KLF12: variants seen among roughly 807,000 people sequenced by gnomAD.
The protein encoded by KLF12 is Krueppel-like factor 12.
KLF12 carries 9 observed loss-of-function variants against 37.8 expected under a neutral mutation model. The ratio of observed to expected loss-of-function variants is 0.24; its 90% CI spans 0.14 to 0.42. The LOEUF is 0.42. KLF12 is among the 10% of genes least tolerant of loss of function. The probability of loss-of-function intolerance (pLI) is 1.00; values close to 1 mark genes in which losing one functional copy is unlikely to be tolerated. For missense variants in KLF12, 411 were observed against 516.0 expected (o/e 0.80, Z 1.97); for synonymous variants, 208 against 202.1 (o/e 1.03, Z -0.25).
the KLF12 span, among the ~76,000 whole-genome samples, chr13:74,179,158 G>A: frequency 7.6e-4 from 116 of 152,304 alleles, 2 homozygotes; most frequent in African/African-American, 2.6e-3. Flanking sequence ...TCCTGCCAAA[G>A]GGTTTGGACT....
chr13:73,786,257 T>C (rs1881336577), intron 5 of KLF12, among the ~76,000 whole-genome samples: 2 of 152,162 alleles, frequency 1.3e-5, no homozygotes, highest in Non-Finnish European at 2.9e-5. Context: ...CTCCCTTTCA[T>C]CATAAATTGT....
the KLF12 span, among the ~76,000 whole-genome samples, chr13:74,286,938 A>G: frequency 6.6e-6 from 1 of 152,338 alleles, no homozygotes; most frequent in South Asian, 2.1e-4. Flanking sequence ...ATTTAAACCA[A>G]GCTGTAGCTA....
chr13:74,199,243 C>T, the KLF12 span, among the ~76,000 whole-genome samples: 3 of 152,166 alleles, frequency 2.0e-5, no homozygotes, highest in Non-Finnish European at 4.4e-5. Flanking sequence ...CCGAAACCAT[C>T]TTGGGAATGC....
At chr13:73,966,111 C>T (rs1216159502) in intron 2 of KLF12, among the ~76,000 whole-genome samples, 3 of 152,172 alleles carry the variant, frequency 2.0e-5, no homozygotes, top group African/African-American at 7.2e-5. Flanking sequence ...AAGCTAACTG[C>T]CCCCAAATTG....
intron 3 of KLF12, among the ~76,000 whole-genome samples, chr13:73,876,240 T>C (rs1594201213): frequency 6.6e-6 from 1 of 152,194 alleles, no homozygotes; most frequent in Non-Finnish European, 1.5e-5. Context: ...CCACAGATTA[T>C]TGGCTGAATT....
chr13:73,924,025 T>C (rs1889250080), intron 3 of KLF12, among the ~76,000 whole-genome samples: 1 of 152,240 alleles, frequency 6.6e-6, no homozygotes, highest in African/African-American at 2.4e-5. Flanking sequence ...ATGATCACAA[T>C]ACTTTTATTC....
chr13:73,736,838 G>C (rs1877499064), intron 6 of KLF12, among the ~76,000 whole-genome samples: 1 of 152,130 alleles, frequency 6.6e-6, no homozygotes, highest in Non-Finnish European at 1.5e-5. Flanking sequence ...CACTCTGAAA[G>C]AGAATGACCA....
chr13:74,248,984 G>T, the KLF12 span, among the ~76,000 whole-genome samples: 2 of 152,228 alleles, frequency 1.3e-5, no homozygotes, highest in Non-Finnish European at 2.9e-5. Flanking sequence ...ATTGATAGAG[G>T]TGTGGTTCTA....
chr13:73,952,724 C>A (rs894256755), intron 2 of KLF12, among the ~76,000 whole-genome samples: 1 of 152,184 alleles, frequency 6.6e-6, no homozygotes, highest in Admixed American at 6.5e-5. Flanking sequence ...AGTGTATGGG[C>A]ATCACATAAC....
At chr13:74,288,000 C>T in the KLF12 span, among the ~76,000 whole-genome samples, 4 of 145,568 alleles carry the variant, frequency 2.7e-5, no homozygotes, top group African/African-American at 9.9e-5. Flanking sequence ...CACTGTTACT[C>T]GCTGAGGAAG....
the KLF12 span, among the ~76,000 whole-genome samples, chr13:74,170,119 A>G: frequency 2.6e-5 from 4 of 152,196 alleles, no homozygotes; most frequent in Admixed American, 6.6e-5. Flanking sequence ...GATATTTATG[A>G]TGATGAACTC....
chr13:73,872,744 C>T (rs536933499), intron 3 of KLF12, among the ~76,000 whole-genome samples: 1 of 152,300 alleles, frequency 6.6e-6, no homozygotes, highest in South Asian at 2.1e-4. Flanking sequence ...TTTAATACCT[C>T]ACTTAGCTAA....
At position 74,129,998 on chromosome 13, in the gene KLF12, T is replaced by A. The variant is rs557462331; in HGVS notation, c.-32+3741A>T. 1.3e-3 allele frequency among the ~76,000 whole-genome samples: 196 copies of A among 152,296 alleles called. 1 individual carries two copies. Among genetic ancestry groups the A allele is most frequent in the African/African-American group, 3.9e-3 (161 of 41,562 alleles). Reference sequence around the variant, plus strand: ...TTCTGGCGGGTGGAAGTCAGGCAGCTCTCTGGGCTGGGCTTGGGATCCAGA... The same window carrying A: ...TTCTGGCGGGTGGAAGTCAGGCAGCACTCTGGGCTGGGCTTGGGATCCAGA... On this transcript the variant is annotated intron_variant, in intron 1 of 7. Transcript: ENST00000377669.
intron 1 of KLF12, among the ~76,000 whole-genome samples, chr13:74,002,229 T>C (rs898377663): frequency 1.3e-5 from 2 of 152,196 alleles, no homozygotes; most frequent in African/African-American, 4.8e-5. Flanking sequence ...TAATACATAA[T>C]CAACTAGTAT....
chr13:73,798,315 C>A (rs1436516524), intron 5 of KLF12, among the ~76,000 whole-genome samples: 1 of 152,082 alleles, frequency 6.6e-6, no homozygotes, highest in Non-Finnish European at 1.5e-5. Flanking sequence ...ACTATAAAAA[C>A]CTTGAAAGAC....
intron 1 of KLF12, among the ~76,000 whole-genome samples, chr13:74,092,496 T>C (rs901118070): frequency 2.6e-5 from 4 of 150,948 alleles, no homozygotes; most frequent in African/African-American, 9.7e-5. Flanking sequence ...TGGTGGCACT[T>C]GCCTGCAATC....
the KLF12 span, among the ~76,000 whole-genome samples, chr13:74,241,733 C>G: frequency 1.6e-4 from 24 of 152,346 alleles, no homozygotes; most frequent in East Asian, 3.9e-4. Context: ...TCCGTCACCC[C>G]TTTCTTTGAC....
the KLF12 span, among the ~76,000 whole-genome samples, chr13:74,187,382 C>G: frequency 1.3e-5 from 2 of 152,014 alleles, no homozygotes; most frequent in African/African-American, 4.8e-5. Context: ...CTAACCTTGC[C>G]ATTCCTCGCT....
chr13:74,057,479 A>T (rs1334025922), intron 1 of KLF12, among the ~76,000 whole-genome samples: 1 of 152,244 alleles, frequency 6.6e-6, no homozygotes, highest in Non-Finnish European at 1.5e-5. Flanking sequence ...CGATGGCTAC[A>T]ATGGTAACTG....
Sources: allele counts gnomAD v4.1 joint callset (sites outside exome capture counted in the v4.1 genomes callset), GRCh38; gene constraint gnomAD v4.1.1; transcripts MANE v1.5; gene names NCBI Gene and HGNC (gene_info 2026-07-23, HGNC 2026-07-21).